Variants in KMT2C observed in about 807,000 individuals in gnomAD.
KMT2C encodes histone-lysine N-methyltransferase 2C.
Under a neutral mutation model 507.9 loss-of-function variants are expected in KMT2C, and 88 were observed. The observed-to-expected ratio is 0.17, with a 90% CI of 0.15 to 0.21. The LOEUF (loss-of-function observed/expected upper bound fraction) is 0.21, where lower values mean the gene tolerates loss of function less well. KMT2C is among the 10% of genes least tolerant of loss of function. The probability of loss-of-function intolerance (pLI) is 1.00; values close to 1 mark genes in which losing one functional copy is unlikely to be tolerated. For synonymous variants in KMT2C, 2,049 were observed against 2,080.8 expected (o/e 0.98, Z 0.42); for missense variants, 4,954 against 5,957.8 (o/e 0.83, Z 5.55).
chr7:152,395,569 G>A (rs1271704240), intron 1 of KMT2C, among the ~76,000 whole-genome samples: 3 of 151,972 alleles, frequency 2.0e-5, no homozygotes, highest in South Asian at 2.1e-4. Flanking sequence ...GTGCAGTGGC[G>A]CCATCTTGGC....
chr7:152,170,563 C>T (rs1354205612), intron 40 of KMT2C, among the ~76,000 whole-genome samples: 4 of 152,240 alleles, frequency 2.6e-5, no homozygotes, highest in African/African-American at 7.2e-5. Flanking sequence ...AGTGCAGTGG[C>T]GTGATCTCGG....
Position 152,249,004 on chromosome 7 carries a change from CAA to C in KMT2C, c.1814-386_1814-385del, listed in dbSNP as rs563610034. Among the ~76,000 whole-genome samples the C allele has an allele frequency of 3.0e-4, 46 of 152,234 alleles. No individual in the cohort carries two copies. The East Asian group carries it at 7.9e-3, about 26-fold the overall frequency. On this transcript the variant is annotated intron_variant, in intron 13 of 58. Transcript: ENST00000262189. ...TCTAATAGTAGATACCCAGATGTAA[CAA>C]AGTTACTATAGACTCAAAAGCACAG...
At chr7:152,346,528 A>G (rs2097058884) in intron 2 of KMT2C, among the ~76,000 whole-genome samples, 2 of 152,234 alleles carry the variant, frequency 1.3e-5, no homozygotes, top group African/African-American at 4.8e-5. Flanking sequence ...AAAATATTTT[A>G]AACTAAATGA....
chr7:152,376,041 G>A (rs1301579390), intron 1 of KMT2C, among the ~76,000 whole-genome samples: 1 of 152,126 alleles, frequency 6.6e-6, no homozygotes, highest in Non-Finnish European at 1.5e-5. Context: ...TCAAACTCAA[G>A]CGATCCTCCT....
intron 53 of KMT2C, 112 bp from the exon 54 acceptor site, chr7:152,145,407 C>A: frequency 9.4e-7 from 1 of 1,066,616 alleles, no homozygotes; most frequent in Non-Finnish European, 1.4e-6. Flanking sequence ...GCGTTTTCCC[C>A]GATAATAAAA....
At chr7:152,160,267 C>T (rs904764864) in intron 43 of KMT2C, among the ~76,000 whole-genome samples, 3 of 152,088 alleles carry the variant, frequency 2.0e-5, no homozygotes, top group African/African-American at 7.2e-5. Context: ...CTGTGGCTCT[C>T]AAGGGGTCTC....
rs201223677 is a variant in KMT2C, at chr7:152,136,556, C to CA, written c.*275dup. 0.015 allele frequency: 4,777 copies of CA among 317,914 alleles called. 14 individuals carry two copies. The highest frequency in any genetic ancestry group is 0.054 in the East Asian group (1,067 of 19,614). 19.7% of individuals were successfully genotyped at this position (317,914 alleles called of 1,614,324 possible). ...AGGGAAAAACAAAACAAAAAACAAA[C>CA]AAAAAAAAAAGAAAAGGAAAAGAAA... On this transcript the variant is annotated 3_prime_UTR_variant, in exon 59 of 59. Transcript: ENST00000262189.
At chr7:152,218,318 C>T (rs185734774) in intron 23 of KMT2C, among the ~76,000 whole-genome samples, 2 of 152,082 alleles carry the variant, frequency 1.3e-5, no homozygotes, top group African/African-American at 4.8e-5. Context: ...TGCCTGCCAC[C>T]ACACCCAGCT....
intron 6 of KMT2C, among the ~76,000 whole-genome samples, chr7:152,296,815 G>T (rs1051779564): frequency 6.6e-5 from 10 of 151,408 alleles, no homozygotes; most frequent in Non-Finnish European, 1.5e-5. Context: ...CCGGATTATC[G>T]GATTTACGCT....
intron 1 of KMT2C, among the ~76,000 whole-genome samples, chr7:152,397,864 A>G (rs2116589261): frequency 6.6e-6 from 1 of 152,258 alleles, no homozygotes; most frequent in South Asian, 2.1e-4. Context: ...GCCTCCCCAA[A>G]CACATGGAAC....
intron 2 of KMT2C, among the ~76,000 whole-genome samples, chr7:152,349,103 T>C (rs1409311889): frequency 1.3e-5 from 2 of 151,942 alleles, no homozygotes; most frequent in Non-Finnish European, 2.9e-5. Context: ...ATCCAAACAA[T>C]ACAATATTAT....
intron 6 of KMT2C, among the ~76,000 whole-genome samples, chr7:152,293,333 T>C (rs768274381): frequency 1.1e-4 from 17 of 152,090 alleles, no homozygotes; most frequent in Non-Finnish European, 1.9e-4. Flanking sequence ...AAACACACAA[T>C]AGTGCACAAC....
At position 152,262,098 on chromosome 7, in the gene KMT2C, C is replaced by G. The variant is rs573128757; in HGVS notation, c.1299+918G>C. ...AGTTCTAGGTGCCAAACCTCACTGG[C>G]GAGGACAGGGTGCAGGTACAGAATC... is the stretch of plus-strand genomic sequence containing the variant. On this transcript the variant is annotated intron_variant, in intron 9 of 58. Coordinates refer to ENST00000262189, the MANE Select transcript of KMT2C (RefSeq NM_170606.3). Among the ~76,000 whole-genome samples the G allele has an allele frequency of 2.7e-3, 411 of 152,222 alleles. 3 individuals are homozygous for G. The highest frequency in any genetic ancestry group is 9.5e-3 in the African/African-American group (396 of 41,542).
intron 1 of KMT2C, among the ~76,000 whole-genome samples, chr7:152,383,363 T>C (rs2030672528): frequency 1.3e-5 from 2 of 152,176 alleles, no homozygotes. Flanking sequence ...GAAAAGCATT[T>C]TTAGTAGAAT....
chr7:152,255,157 A>ATATG (rs767823858), intron 9 of KMT2C, among the ~76,000 whole-genome samples: 46 of 128,362 alleles, frequency 3.6e-4, no homozygotes, highest in African/African-American at 1.1e-3. Flanking sequence ...ATATATATAT[A>ATATG]TGTGTGTGTG....
chr7:152,347,152 G>T (rs2097068135), intron 2 of KMT2C, among the ~76,000 whole-genome samples: 1 of 152,058 alleles, frequency 6.6e-6, no homozygotes. Flanking sequence ...ATAAGGAAGA[G>T]AAAATACATT....
intron 1 of KMT2C, among the ~76,000 whole-genome samples, chr7:152,384,519 C>T (rs73487336): frequency 7.6e-6 from 1 of 131,910 alleles, no homozygotes; most frequent in African/African-American, 2.7e-5. Flanking sequence ...AAGCTAAATG[C>T]CTCTGCTATA....
chr7:152,429,808 C>T (rs1489644784), intron 1 of KMT2C, among the ~76,000 whole-genome samples: 3 of 151,736 alleles, frequency 2.0e-5, no homozygotes, highest in African/African-American at 4.8e-5. Flanking sequence ...TGTGAGCCAC[C>T]GTGCCCAGCC....
intron 23 of KMT2C, among the ~76,000 whole-genome samples, chr7:152,211,909 G>A (rs1233653623): frequency 2.6e-5 from 4 of 152,082 alleles, no homozygotes; most frequent in East Asian, 1.9e-4. Context: ...TTAGCCGGGC[G>A]TGGTGGCAGG....
Sources: allele counts gnomAD v4.1 joint callset (sites outside exome capture counted in the v4.1 genomes callset), GRCh38; gene constraint gnomAD v4.1.1; transcripts MANE v1.5; gene names NCBI Gene and HGNC (gene_info 2026-07-23, HGNC 2026-07-21).